ERAP2: variants seen among roughly 807,000 people sequenced by gnomAD.
The protein encoded by ERAP2 is leukocyte-derived arginine aminopeptidase.
ERAP2 carries 118 observed loss-of-function variants against 111.1 expected under a neutral mutation model. That is an observed-to-expected ratio of 1.06 (90% CI 0.92 to 1.24). ERAP2 has a LOEUF of 1.24. Among genes scored for constraint, ERAP2 ranks in the 50% most tolerant of loss-of-function variants. The pLI is 0.00. For synonymous variants in ERAP2, 410 were observed against 401.2 expected, an observed-to-expected ratio of 1.02 and a Z score of -0.26; for missense variants, 1,131 against 1,125.8, an observed-to-expected ratio of 1.00 and a Z score of -0.07.
At chr5:96,904,367 T>G (rs180683484) in intron 13 of ERAP2, among the ~76,000 whole-genome samples, 1 of 152,356 alleles carries the variant, frequency 6.6e-6, no homozygotes, top group Non-Finnish European at 1.5e-5. Flanking sequence ...GCACTCACTT[T>G]ACTCAATGTG....
In ERAP2 at chr5:96,889,172, C is replaced by G; in HGVS notation, c.850-13C>G. 6.2e-7 allele frequency: 1 copy of G among 1,613,452 alleles called. No individual in the cohort carries two copies. Among genetic ancestry groups the G allele is most frequent in the Non-Finnish European group, 8.5e-7 (1 of 1,179,446 alleles). On this transcript the variant is annotated splice_polypyrimidine_tract_variant and intron_variant, in intron 4 of 18. Coordinates refer to ENST00000437043, the MANE Select transcript of ERAP2 (RefSeq NM_022350.5). ...CTGTCATTCAAAAACCTCTTCTGAT[C>G]CACATTTCCCAGGTGTCCATCTATG...
At chr5:96,880,295 T>G in intron 2 of ERAP2, 35 bp downstream of exon 2, 1 of 1,554,168 alleles carries the variant, frequency 6.4e-7, no homozygotes, top group Non-Finnish European at 8.7e-7. Context: ...CATTCTTTTG[T>G]GATAATTTCC....
At chr5:96,906,904 TG>T (rs1786151717) in intron 13 of ERAP2, among the ~76,000 whole-genome samples, 1 of 152,202 alleles carries the variant, frequency 6.6e-6, no homozygotes, top group Non-Finnish European at 1.5e-5. Flanking sequence ...TGGTGGTGTG[TG>T]CCTTCCCAGC....
At chr5:96,904,012 A>G (rs1448037805) in intron 13 of ERAP2, among the ~76,000 whole-genome samples, 1 of 152,216 alleles carries the variant, frequency 6.6e-6, no homozygotes, top group African/African-American at 2.4e-5. Flanking sequence ...TATTTATGTT[A>G]TTAGCTGCTA....
intron 3 of ERAP2, 90 bp from the exon 4 acceptor site, chr5:96,886,565 C>A: frequency 8.5e-7 from 1 of 1,180,648 alleles, no homozygotes; most frequent in Non-Finnish European, 1.1e-6. Context: ...GAGTATGAGG[C>A]TTGCCTCTAA....
Position 96,886,682 on chromosome 5 carries a change from CT to C in ERAP2, c.746del (p.Leu249TrpfsTer9). 6.5e-7 allele frequency: 1 copy of C among 1,549,310 alleles called. No homozygotes were observed. Among genetic ancestry groups the C allele is most frequent in the South Asian group, 1.2e-5 (1 of 82,912 alleles). On this transcript the variant is annotated frameshift_variant, in exon 4 of 19. Transcript: ENST00000437043. LOFTEE classifies it high-confidence loss of function. Reference sequence around the variant, plus strand: ...TAAGACAATTGAACTTGAAGGAGGTCTTTTGGAAGATCACTTTGAAACTACT... The same window carrying C: ...TAAGACAATTGAACTTGAAGGAGGTCTTTGGAAGATCACTTTGAAACTACT... The part of the protein sequence containing the change: ...KVKTIELEGG[L>X]LEDHFETTVK...
chr5:96,880,879 A>T (rs1783046622), intron 2 of ERAP2: 1 of 161,196 alleles, frequency 6.2e-6, no homozygotes, highest in Admixed American at 5.7e-5. Context: ...CAGTGTTATG[A>T]ATGAAATAAA....
intron 5 of ERAP2, among the ~76,000 whole-genome samples, chr5:96,891,520 C>CACACACACACACACACACAT (rs1784381228): frequency 3.4e-5 from 1 of 29,638 alleles, no homozygotes; most frequent in African/African-American, 1.4e-4. Context: ...TATATATGCC[C>CACACACACACACACACACAT]ATATACGGTA....
chr5:96,892,350 T>A lies in ERAP2; in HGVS notation c.1022T>A (p.Leu341His), dbSNP rs1329814685. 6.2e-7 allele frequency: 1 copy of A among 1,614,042 alleles called. No individual in the cohort carries two copies. Among genetic ancestry groups the A allele is most frequent in the East Asian group, 2.2e-5 (1 of 44,880 alleles). Residue 341 changes from leucine to histidine, a missense_variant, in exon 6 of 19, where the codon CTC becomes CAC. By Grantham distance (99) the Leu-to-His change is moderately conservative (BLOSUM62 -3). Around this residue, in one of 3 missense-constraint regions of ERAP2, gnomAD observed 847 missense variants for 856.5 expected, o/e 0.99. Transcript: ENST00000437043. ...FAPGAMENWGLITYRETSLLF... is the reference protein window; with the variant it reads ...FAPGAMENWGHITYRETSLLF... The stretch of plus-strand genomic sequence containing the variant: ...CCTGGAGCCATGGAAAATTGGGGCC[T>A]CATTACATATAGGGAGACGTCACTG...
chr5:96,896,864 G>GT lies in ERAP2; in HGVS notation c.1503+2dup. 1.0e-6 allele frequency: 1 copy of GT among 974,270 alleles called. No individual in the cohort carries two copies. Among genetic ancestry groups the GT allele is most frequent in the Non-Finnish European group, 1.3e-6 (1 of 751,980 alleles). The allele number at this position is 974,270 out of a possible 1,614,324, so 60.4% of individuals were successfully genotyped here. A position where few individuals can be genotyped will look rare whatever the true frequency, so the allele number is the denominator to read the frequency against. ...TGACTTGTGGAGCAGTCTGTCAAATGTAAGTCATATGTTGGGTAACGATAG... is the reference window on the plus strand; with the variant it reads ...TGACTTGTGGAGCAGTCTGTCAAATGTTAAGTCATATGTTGGGTAACGATAG... On this transcript the variant is annotated splice_donor_variant, in intron 9 of 18. Transcript: ENST00000437043. LOFTEE classifies it high-confidence loss of function.
chr5:96,883,940 C>G lies in ERAP2; in HGVS notation c.714+10C>G, dbSNP rs183470843. On this transcript the variant is annotated intron_variant, in intron 3 of 18. Transcript: ENST00000437043. Reference sequence around the variant, plus strand: ...ATCCAACATGCCAAAGGTATGTCCACTTCCAGAAACTTTTAGAAATTGTTC... The same window carrying G: ...ATCCAACATGCCAAAGGTATGTCCAGTTCCAGAAACTTTTAGAAATTGTTC... The G allele has an allele frequency of 1.4e-5, 21 of 1,555,176 alleles. No individual in the cohort carries two copies. The South Asian group carries it at 2.5e-4, about 19-fold the overall frequency.
intron 15 of ERAP2, chr5:96,910,015 C>T: frequency 3.0e-6 from 1 of 336,400 alleles, no homozygotes; most frequent in Non-Finnish European, 5.7e-6. Context: ...CCTATAATCC[C>T]AGCACTTTGG....
chr5:96,880,326 C>T lies in ERAP2; in HGVS notation c.575+66C>T. The T allele has an allele frequency of 2.2e-6, 3 of 1,393,320 alleles. No homozygotes were observed. In the South Asian group the frequency reaches 4.2e-5, roughly 19 times the overall value. The allele number at this position is 1,393,320 out of a possible 1,614,324, so 86.3% of individuals were successfully genotyped here. A position where few individuals can be genotyped will look rare whatever the true frequency, so the allele number is the denominator to read the frequency against. ...TTTCCTTACGAGTTACATCTCTTTG[C>T]CAGGAGCAGACTTCAGCAGCCATTT... On this transcript the variant is annotated intron_variant, in intron 2 of 18. Transcript: ENST00000437043.
chr5:96,879,694 T>C lies in ERAP2; in HGVS notation c.9T>C (p.His3=). 6.2e-7 allele frequency: 1 copy of C among 1,613,100 alleles called. No individual in the cohort carries two copies. The highest frequency in any genetic ancestry group is 8.5e-7 in the Non-Finnish European group (1 of 1,179,038). Reference sequence around the variant, plus strand: ...TCTAGAGAATAGATTTCATGTTCCATTCTTCTGCAATGGTTAATTCACACA... The same window carrying C: ...TCTAGAGAATAGATTTCATGTTCCACTCTTCTGCAATGGTTAATTCACACA... MF[H]SSAMVNSHRK... The change falls in exon 2 of 19, where the codon CAT becomes CAC. Residue 3 remains histidine (H), a synonymous_variant. Transcript: ENST00000437043.
chr5:96,895,764 GCTTCCCCAAAATGTGTGAA>G (rs2151159735), intron 7 of ERAP2, among the ~76,000 whole-genome samples: 1 of 152,270 alleles, frequency 6.6e-6, no homozygotes, highest in South Asian at 2.1e-4. Flanking sequence ...GGGTCTGCTG[GCTTCCCCAAAATGTGTGAA>G]GGGATTTCTT....
At chr5:96,917,184 G>T (rs1031099966) in intron 18 of ERAP2, among the ~76,000 whole-genome samples, 1 of 152,160 alleles carries the variant, frequency 6.6e-6, no homozygotes, top group Non-Finnish European at 1.5e-5. Flanking sequence ...TTGGCTCATT[G>T]TAACCTCCAC....
chr5:96,917,319 G>T, intron 18 of ERAP2, 143 bp from the exon 19 acceptor site: 2 of 583,756 alleles, frequency 3.4e-6, no homozygotes, highest in Non-Finnish European at 2.9e-6. Flanking sequence ...AGGGGTTCTG[G>T]CATGTTGCCT....
rs958585408 is a variant in ERAP2 at position 96,907,278 on chromosome 5, T to G, written c.2013-1683T>G. Among the ~76,000 whole-genome samples, 4 of 152,146 alleles carry G rather than the reference T, an allele frequency of 2.6e-5. No homozygotes were observed. In the East Asian group the frequency reaches 7.7e-4, roughly 29 times the overall value. ...GACTTAGATTTTTTAATTAAACAAC[T>G]CAGTAACTATATAAAAAGAAAAGGA... On this transcript the variant is annotated intron_variant, in intron 13 of 18. Transcript: ENST00000437043.
Position 96,915,684 on chromosome 5 carries a change from T to G in ERAP2, c.2658-4T>G, listed in dbSNP as rs759933918. On this transcript the variant is annotated splice_region_variant and splice_polypyrimidine_tract_variant and intron_variant, in intron 17 of 18. Transcript: ENST00000437043. ...CTTTCTATGGTGTTTCTTTTTATTT[T>G]CAGATTTGACTTGGGCTCATATGAC... 2.0e-6 allele frequency: 3 copies of G among 1,510,204 alleles called. No individual in the cohort carries two copies. The highest frequency in any genetic ancestry group is 2.7e-6 in the Non-Finnish European group (3 of 1,129,546). The allele number at this position is 1,510,204 out of a possible 1,614,324, so 93.6% of individuals were successfully genotyped here.
Sources: gnomAD v4.1 joint callset for allele counts (sites outside exome capture counted in the v4.1 genomes callset) on GRCh38, gnomAD v4.1.1 for gene constraint, gnomAD v4.1.1 regional missense constraint, MANE v1.5 for transcripts, NCBI Gene and HGNC (gene_info 2026-07-23, HGNC 2026-07-21) for gene names.